The following RIT2 variants were observed in gnomAD, a reference collection of about 807,000 sequenced individuals.
RIT2 encodes the protein Ras like without CAAX 2.
In RIT2, 24 loss-of-function variants were observed where a neutral mutation model predicts 23.7. The observed-to-expected ratio is 1.01, with a 90% CI of 0.73 to 1.43. The LOEUF (loss-of-function observed/expected upper bound fraction) is 1.43, where lower values mean the gene tolerates loss of function less well. Ranked by LOEUF, RIT2 falls within the 40% of genes most tolerant of loss-of-function variation. The pLI, the probability that RIT2 is intolerant of heterozygous loss-of-function variation, is 0.00. For synonymous variants in RIT2, 107 were observed against 91.1 expected (o/e 1.17, Z -0.99); for missense variants, 236 against 266.9 (o/e 0.88, Z 0.81).
At chr18:42,989,816 T>C (rs1910797279) in intron 2 of RIT2, among the ~76,000 whole-genome samples, 2 of 152,184 alleles carry the variant, frequency 1.3e-5, no homozygotes, top group Admixed American at 1.3e-4. Context: ...TAATTTAAAA[T>C]ATAATACAAG....
intron 1 of RIT2, among the ~76,000 whole-genome samples, chr18:43,057,050 G>C (rs990912622): frequency 8.6e-6 from 1 of 116,268 alleles, no homozygotes; most frequent in Non-Finnish European, 1.7e-5. Context: ...ACCATTAGTC[G>C]GGCGGGGGGT....
At chr18:43,110,244 TATATATA>T (rs1405835390) in intron 1 of RIT2, among the ~76,000 whole-genome samples, 1 of 152,082 alleles carries the variant, frequency 6.6e-6, no homozygotes, top group Non-Finnish European at 1.5e-5. Flanking sequence ...TAACTCCATA[TATATATA>T]TACCCACTAT....
chr18:42,889,589 A>C (rs998292466), intron 4 of RIT2, among the ~76,000 whole-genome samples: 1 of 152,126 alleles, frequency 6.6e-6, no homozygotes, highest in Non-Finnish European at 1.5e-5. Flanking sequence ...GCCAGTTTCT[A>C]AACTGAAAAA....
At chr18:42,912,480 ACT>A (rs1444806102) in intron 4 of RIT2, among the ~76,000 whole-genome samples, 1 of 151,702 alleles carries the variant, frequency 6.6e-6, no homozygotes, top group Non-Finnish European at 1.5e-5. Flanking sequence ...AACAACTAAA[ACT>A]CTCTATTTAC....
At chr18:42,946,642 C>A (rs1293446034) in intron 3 of RIT2, among the ~76,000 whole-genome samples, 1 of 151,970 alleles carries the variant, frequency 6.6e-6, no homozygotes, top group Admixed American at 6.6e-5. Flanking sequence ...ATCTTGCCAA[C>A]TTTGTTCTTG....
Position 42,991,634 on chromosome 18 carries a change from G to A in RIT2, c.161-17487C>T, listed in dbSNP as rs562923178. On this transcript the variant is annotated intron_variant, in intron 2 of 4. Transcript: ENST00000326695. ...AAAATGGCCTGTTCCTGCCTTAACT[G>A]ATGACATTCCACCACGAAAGAAATG... Among the ~76,000 whole-genome samples the A allele has an allele frequency of 1.3e-3, 183 of 144,094 alleles. 1 individual carries two copies. The highest frequency in any genetic ancestry group is 3.2e-3 in the Admixed American group (46 of 14,418). 94.5% of individuals were successfully genotyped at this position (144,094 alleles called of 152,430 possible). A position where few individuals can be genotyped will look rare whatever the true frequency, so the allele number is the denominator to read the frequency against.
At chr18:43,031,896 G>A (rs985629254) in intron 2 of RIT2, among the ~76,000 whole-genome samples, 2 of 151,924 alleles carry the variant, frequency 1.3e-5, no homozygotes, top group South Asian at 4.1e-4. Context: ...GTACTAATAC[G>A]AATTTCCTCT....
intron 4 of RIT2, among the ~76,000 whole-genome samples, chr18:42,910,260 TATTTA>T (rs753368517): frequency 4.6e-5 from 7 of 152,112 alleles, no homozygotes; most frequent in Non-Finnish European, 7.4e-5. Flanking sequence ...TATCAGTAAT[TATTTA>T]ATTTAACAAT....
intron 1 of RIT2, among the ~76,000 whole-genome samples, chr18:43,101,589 G>A (rs1218400166): frequency 6.6e-6 from 1 of 152,112 alleles, no homozygotes; most frequent in Non-Finnish European, 1.5e-5. Flanking sequence ...TTAATTAGTG[G>A]GAGAACTGAA....
intron 3 of RIT2, among the ~76,000 whole-genome samples, chr18:42,935,638 T>C (rs1909436041): frequency 6.6e-6 from 1 of 152,102 alleles, no homozygotes; most frequent in Non-Finnish European, 1.5e-5. Flanking sequence ...ATATTAGACA[T>C]ATTGTTACCA....
intron 1 of RIT2, among the ~76,000 whole-genome samples, chr18:43,092,768 T>C (rs1329284459): frequency 6.6e-6 from 1 of 151,986 alleles, no homozygotes; most frequent in Non-Finnish European, 1.5e-5. Flanking sequence ...GGCAAGAGAG[T>C]ATTATGTAAT....
intron 2 of RIT2, among the ~76,000 whole-genome samples, chr18:43,002,850 C>G (rs1305514040): frequency 6.6e-6 from 1 of 151,854 alleles, no homozygotes; most frequent in African/African-American, 2.4e-5. Flanking sequence ...ATCAGCTGAA[C>G]TCAGCATAGA....
intron 4 of RIT2, among the ~76,000 whole-genome samples, chr18:42,798,857 T>C (rs1905445821): frequency 6.6e-6 from 1 of 152,202 alleles, no homozygotes. Context: ...AGCCTGGTGA[T>C]AACTCTGATG....
At chr18:42,977,449 A>T (rs555944885) in intron 2 of RIT2, among the ~76,000 whole-genome samples, 1 of 152,170 alleles carries the variant, frequency 6.6e-6, no homozygotes, top group Non-Finnish European at 1.5e-5. Flanking sequence ...AATTATTCAT[A>T]CTGTTGATTG....
intron 3 of RIT2, among the ~76,000 whole-genome samples, chr18:42,973,354 T>A (rs988906510): frequency 1.3e-5 from 2 of 151,828 alleles, no homozygotes; most frequent in African/African-American, 4.8e-5. Context: ...CTTCTCTTTT[T>A]CCCATGCTTG....
At chr18:42,960,530 G>A (rs770587924) in intron 3 of RIT2, among the ~76,000 whole-genome samples, 8 of 152,066 alleles carry the variant, frequency 5.3e-5, no homozygotes, top group Non-Finnish European at 1.2e-4. Flanking sequence ...GGCCAGGCTG[G>A]TATTGAACTC....
chr18:42,896,514 T>C (rs1456237102), intron 4 of RIT2, among the ~76,000 whole-genome samples: 1 of 151,926 alleles, frequency 6.6e-6, no homozygotes, highest in Non-Finnish European at 1.5e-5. Flanking sequence ...GAGTGTGGTA[T>C]TCTCTTTTCT....
intron 3 of RIT2, among the ~76,000 whole-genome samples, chr18:42,927,192 T>C (rs1357280446): frequency 6.6e-6 from 1 of 151,986 alleles, no homozygotes; most frequent in East Asian, 1.9e-4. Flanking sequence ...GCAGTGTTTT[T>C]TATGTAAGCT....
In RIT2 at chr18:42,823,208, A is replaced by G. The variant is rs149910368; in HGVS notation, c.427-79488T>C. Among the ~76,000 whole-genome samples the G allele has an allele frequency of 2.0e-5, 3 of 152,290 alleles. No homozygotes were observed. The East Asian group carries it at 5.8e-4, about 29-fold the overall frequency. On this transcript the variant is annotated intron_variant, in intron 4 of 4. Coordinates refer to ENST00000326695, the MANE Select transcript of RIT2 (RefSeq NM_002930.4). ...GAAAAATTTCTCTGAGTGCTCCCTCAGCAGTGGTATTTTACAAAAATAAAG... is the reference window on the plus strand; with the variant it reads ...GAAAAATTTCTCTGAGTGCTCCCTCGGCAGTGGTATTTTACAAAAATAAAG...
Sources: gnomAD v4.1 joint callset for allele counts (sites outside exome capture counted in the v4.1 genomes callset) on GRCh38, gnomAD v4.1.1 for gene constraint, MANE v1.5 for transcripts, NCBI Gene and HGNC (gene_info 2026-07-23, HGNC 2026-07-21) for gene names.